HMCN2: variants seen among roughly 807,000 people sequenced by gnomAD.
HMCN2 encodes the protein hemicentin 2, also known as hemicentin-2.
A neutral mutation model predicts 377.5 loss-of-function variants in HMCN2; 325 were observed. The ratio of observed to expected loss-of-function variants is 0.86; its 90% CI spans 0.79 to 0.94. HMCN2 has a LOEUF of 0.94. Among genes scored for constraint, HMCN2 ranks in the 40% least tolerant of loss-of-function variants. HMCN2 has a pLI of 0.00. For synonymous variants in HMCN2, 2,007 were observed against 2,046.8 expected, an observed-to-expected ratio of 0.98 and a Z score of 0.53; for missense variants, 4,543 against 4,725.3, an observed-to-expected ratio of 0.96 and a Z score of 1.13.
At chr9:130,420,228 C>T (rs750864282) in intron 86 of HMCN2, among the ~76,000 whole-genome samples, 7 of 152,100 alleles carry the variant, frequency 4.6e-5, no homozygotes, top group Admixed American at 1.3e-4. Flanking sequence ...GCACCCGCCA[C>T]CATGCCCGGC....
At position 130,368,297 on chromosome 9, in the gene HMCN2, G is replaced by C; in HGVS notation, c.6647G>C (p.Gly2216Ala). 2 of 985,708 alleles carry C rather than the reference G, an allele frequency of 2.0e-6. No individual in the cohort carries two copies. Among genetic ancestry groups the C allele is most frequent in the Non-Finnish European group, 2.4e-6 (2 of 829,914 alleles). The allele number at this position is 985,708 out of a possible 1,614,324, so 61.1% of individuals were successfully genotyped here. ...CCAGGTCAACCCCTCCCCGGGGAGG[G>C]GGCTGGCCTCCAGCACGTGTCGGCT... ...RKDGQPLPGE[G>A]AGLQHVSAVG... Residue 2216 changes from glycine (G) to alanine (A), a missense_variant, in exon 44 of 98, where the codon GGG becomes GCG. Gly to Ala is a moderately conservative substitution (Grantham distance 60). This residue lies in a region of HMCN2 where 1,032 missense variants were observed against 1,285.1 expected (regional missense o/e 0.80). Transcript: ENST00000683500.
At chr9:130,358,852 T>C (rs895020626) in intron 36 of HMCN2, among the ~76,000 whole-genome samples, 1 of 152,136 alleles carries the variant, frequency 6.6e-6, no homozygotes, top group Non-Finnish European at 1.5e-5. Flanking sequence ...TTTTTTGTAT[T>C]TTTAGTAGCG....
chr9:130,350,865 T>C (rs142553772), intron 29 of HMCN2, among the ~76,000 whole-genome samples: 217 of 151,988 alleles, frequency 1.4e-3, no homozygotes, highest in African/African-American at 4.9e-3. Flanking sequence ...ATCGTACTAC[T>C]GCACTCCAGC....
At chr9:130,292,839 A>T (rs1457433573) in intron 4 of HMCN2, among the ~76,000 whole-genome samples, 1 of 152,206 alleles carries the variant, frequency 6.6e-6, no homozygotes, top group African/African-American at 2.4e-5. Context: ...CAGACCTGGA[A>T]TTAGCCACTT....
intron 22 of HMCN2, among the ~76,000 whole-genome samples, chr9:130,334,713 C>CTT (rs1838625964): frequency 3.6e-5 from 5 of 138,134 alleles, no homozygotes; most frequent in Admixed American, 7.4e-5. Flanking sequence ...TTCTTTCTCT[C>CTT]TCTCTCTCTT....
At chr9:130,365,509 C>A in intron 41 of HMCN2, 122 bp from the exon 42 acceptor site, 1 of 282,880 alleles carries the variant, frequency 3.5e-6, no homozygotes, top group Non-Finnish European at 5.3e-6. Context: ...CTGCCCCGTG[C>A]TCCAAGTGGG....
At chr9:130,407,493 T>A (rs935544997) in intron 82 of HMCN2, 78 bp from the exon 83 acceptor site, 2 of 1,211,668 alleles carry the variant, frequency 1.7e-6, no homozygotes, top group East Asian at 1.2e-4. Context: ...TTTTATTAAG[T>A]TCCTGCAGGT....
intron 85 of HMCN2, among the ~76,000 whole-genome samples, chr9:130,415,548 C>G (rs1843639167): frequency 6.6e-6 from 1 of 152,186 alleles, no homozygotes; most frequent in Admixed American, 6.5e-5. Context: ...CTATGTTGCC[C>G]AGGCTAGCTG....
intron 22 of HMCN2, among the ~76,000 whole-genome samples, chr9:130,331,461 G>A (rs1297620897): frequency 6.6e-6 from 1 of 152,192 alleles, no homozygotes; most frequent in Non-Finnish European, 1.5e-5. Context: ...CATTGACTGA[G>A]CAGTATCCTA....
chr9:130,425,797 C>T lies in HMCN2; in HGVS notation c.13752C>T (p.Ile4584=), dbSNP rs1844310776. ...LPSFLRCNHS[I]QYNAARGPQP... is the part of the protein sequence containing the mutation. ...CGTTCCTACGCTGCAACCACAGCAT[C>T]CAGTACAACGCGGCCCGGGGCCCCC... The change falls in exon 90 of 98, where the codon ATC becomes ATT. Residue 4584 remains isoleucine (I), a synonymous_variant. Transcript: ENST00000683500. 4 of 1,550,650 alleles carry T rather than the reference C, an allele frequency of 2.6e-6. No individual in the cohort carries two copies. The highest frequency in any genetic ancestry group is 3.5e-6 in the Non-Finnish European group (4 of 1,146,996).
intron 93 of HMCN2, chr9:130,429,326 G>A (rs1195953414): frequency 5.2e-6 from 3 of 582,248 alleles, no homozygotes; most frequent in Non-Finnish European, 9.1e-6. Context: ...CCAGGACTCT[G>A]CCCACAAAGG....
chr9:130,413,400 T>C (rs1407734209), intron 85 of HMCN2, among the ~76,000 whole-genome samples: 1 of 152,180 alleles, frequency 6.6e-6, no homozygotes, highest in Non-Finnish European at 1.5e-5. Context: ...GTGGATGCCC[T>C]TTCTCAGGCT....
intron 87 of HMCN2, among the ~76,000 whole-genome samples, chr9:130,424,466 A>G (rs1037754400): frequency 2.6e-5 from 4 of 151,600 alleles, no homozygotes; most frequent in Admixed American, 6.6e-5. Flanking sequence ...GATTACAGGC[A>G]TGAGCCACCG....
At chr9:130,307,195 G>T (rs925260622) in intron 13 of HMCN2, among the ~76,000 whole-genome samples, 1 of 152,138 alleles carries the variant, frequency 6.6e-6, no homozygotes, top group Non-Finnish European at 1.5e-5. Context: ...TGTGCTGGGG[G>T]CGAGGGAGAA....
intron 4 of HMCN2, among the ~76,000 whole-genome samples, chr9:130,288,383 C>A (rs1835542626): frequency 6.6e-6 from 1 of 152,230 alleles, no homozygotes; most frequent in Non-Finnish European, 1.5e-5. Flanking sequence ...CCCTCTCCTT[C>A]CTGGGCATGG....
intron 26 of HMCN2, 131 bp from the exon 27 acceptor site, chr9:130,348,414 T>TG: frequency 8.3e-7 from 1 of 1,211,718 alleles, no homozygotes; most frequent in Non-Finnish European, 1.1e-6. Flanking sequence ...CCTTTGTGGC[T>TG]GGGCGGACGG....
intron 1 of HMCN2, among the ~76,000 whole-genome samples, chr9:130,282,525 GAC>G (rs1835175658): frequency 2.6e-5 from 4 of 152,180 alleles, no homozygotes; most frequent in Admixed American, 2.6e-4. Flanking sequence ...CAGAGGAAAG[GAC>G]GTGGTGGGGA....
chr9:130,432,198 C>T (rs1844796818), intron 96 of HMCN2, among the ~76,000 whole-genome samples: 1 of 152,200 alleles, frequency 6.6e-6, no homozygotes, highest in African/African-American at 2.4e-5. Flanking sequence ...GCTCAGGAGG[C>T]CCCCACGGTG....
chr9:130,425,799 A>C lies in HMCN2; in HGVS notation c.13754A>C (p.Gln4585Pro). 1 of 1,550,578 alleles carries C rather than the reference A, an allele frequency of 6.4e-7. No individual in the cohort carries two copies. ...PSFLRCNHSI[Q>P]YNAARGPQPQ... ...TTCCTACGCTGCAACCACAGCATCCAGTACAACGCGGCCCGGGGCCCCCAG... is the reference window on the plus strand; with the variant it reads ...TTCCTACGCTGCAACCACAGCATCCCGTACAACGCGGCCCGGGGCCCCCAG... The change falls in exon 90 of 98, where the codon CAG becomes CCG. Residue 4585 changes from glutamine to proline, a missense_variant. Around this residue, in one of 5 missense-constraint regions of HMCN2, gnomAD observed 1,155 missense variants for 1,157.7 expected, o/e 1.00. Coordinates refer to ENST00000683500, the MANE Select transcript of HMCN2 (RefSeq NM_001291815.2).
Sources: allele counts gnomAD v4.1 joint callset (sites outside exome capture counted in the v4.1 genomes callset), GRCh38; gene constraint gnomAD v4.1.1; regional missense constraint gnomAD v4.1.1; transcripts MANE v1.5; gene names NCBI Gene and HGNC (gene_info 2026-07-23, HGNC 2026-07-21).